The following PHACTR3 variants were observed in gnomAD, a reference collection of about 807,000 sequenced individuals.
PHACTR3 encodes the protein phosphatase and actin regulator 3, also known as protein phosphatase 1, regulatory subunit 123.
Under a neutral mutation model 66.8 loss-of-function variants are expected in PHACTR3, and 16 were observed. The ratio of observed to expected loss-of-function variants is 0.24; its 90% CI spans 0.16 to 0.36. The LOEUF is 0.36. Ranked by LOEUF, PHACTR3 falls within the 10% of genes least tolerant of loss-of-function variation. The probability of loss-of-function intolerance (pLI) is 1.00; values close to 1 mark genes in which losing one functional copy is unlikely to be tolerated. For missense variants in PHACTR3, 647 were observed against 719.9 expected (o/e 0.90, Z 1.16); for synonymous variants, 323 against 292.1 (o/e 1.11, Z -1.08).
At chr20:59,648,619 T>C (rs1268557092) in intron 1 of PHACTR3, among the ~76,000 whole-genome samples, 2 of 152,174 alleles carry the variant, frequency 1.3e-5, no homozygotes, top group Non-Finnish European at 2.9e-5. Flanking sequence ...GGGCTGATGA[T>C]AGCATTTGTT....
At chr20:59,720,767 C>T (rs746219077) in intron 1 of PHACTR3, among the ~76,000 whole-genome samples, 2 of 152,220 alleles carry the variant, frequency 1.3e-5, no homozygotes, top group South Asian at 2.1e-4. Context: ...ACCCAGTCCT[C>T]GCAGATTCCA....
rs148844957 is a variant in PHACTR3, at chr20:59,831,704, G to A, written c.1329-4801G>A. Among the ~76,000 whole-genome samples the A allele has an allele frequency of 5.5e-4, 84 of 152,216 alleles. No homozygotes were observed. The East Asian group carries it at 7.7e-3, about 14-fold the overall frequency. On this transcript the variant is annotated intron_variant, in intron 8 of 12. Transcript: ENST00000371015. ...CCGGCCACGTCTCTAGCGGCTCCTC[G>A]GAGAGCAACTTGATACTGAAGCTCA... is the stretch of plus-strand genomic sequence containing the variant.
chr20:59,818,922 A>G (rs56846208), intron 8 of PHACTR3, among the ~76,000 whole-genome samples: 27,361 of 151,932 alleles, frequency 0.18, 3,068 homozygotes, highest in African/African-American at 0.3. Flanking sequence ...TATCCTCATC[A>G]TCATTTTCAT....
chr20:59,580,871 G>C (rs145415343), intron 1 of PHACTR3, among the ~76,000 whole-genome samples: 45 of 152,346 alleles, frequency 3.0e-4, no homozygotes, highest in African/African-American at 1.1e-3. Flanking sequence ...TAGACACACA[G>C]AAGCAAAAGG....
At chr20:59,778,050 C>T (rs1296368537) in intron 7 of PHACTR3, among the ~76,000 whole-genome samples, 1 of 152,144 alleles carries the variant, frequency 6.6e-6, no homozygotes, top group Non-Finnish European at 1.5e-5. Flanking sequence ...TGCTGATGTC[C>T]GGATGACCCT....
intron 1 of PHACTR3, among the ~76,000 whole-genome samples, chr20:59,737,454 A>G: frequency 6.6e-6 from 1 of 152,112 alleles, no homozygotes; most frequent in South Asian, 2.1e-4. Context: ...AGACAACTAC[A>G]AACAGGTAAA....
intron 8 of PHACTR3, among the ~76,000 whole-genome samples, chr20:59,822,518 C>T (rs771206848): frequency 2.0e-5 from 3 of 151,616 alleles, no homozygotes; most frequent in African/African-American, 4.8e-5. Context: ...GCAGAGTGAC[C>T]GTGTTCCACT....
rs185719896 is a variant in PHACTR3 at position 59,820,527 on chromosome 20, G to T, written c.1328+14333G>T. ...GAGGATATAAATATGACGCTTCATC[G>T]TCTTGGGTGGAAGTCCCCGTGTACA... On this transcript the variant is annotated intron_variant, in intron 8 of 12. Transcript: ENST00000371015. This position sits in a 1 kb window ranked among gnomAD's most constrained non-coding sequence, Gnocchi z 4.6. Among the ~76,000 whole-genome samples, 189 of 152,298 alleles carry T rather than the reference G, an allele frequency of 1.2e-3. 1 individual carries two copies. Among genetic ancestry groups the T allele is most frequent in the Non-Finnish European group, 2.4e-3 (160 of 68,028 alleles).
In PHACTR3 at chr20:59,830,288, AAGTG is replaced by A. The variant is rs2042324433; in HGVS notation, c.1329-6211_1329-6208del. The stretch of plus-strand genomic sequence containing the variant: ...GAGGGTATGAGTGTCTGATGGAAGC[AAGTG>A]AGTGATGGACAGTGTGAGTAGATGA... On this transcript the variant is annotated intron_variant, in intron 8 of 12. Transcript: ENST00000371015. This position sits in a 1 kb window ranked among gnomAD's most constrained non-coding sequence, Gnocchi z 5.8. Among the ~76,000 whole-genome samples the A allele has an allele frequency of 7.4e-6, 1 of 135,124 alleles. No homozygotes were observed. Among genetic ancestry groups the A allele is most frequent in the African/African-American group, 3.2e-5 (1 of 31,310 alleles). The allele number at this position is 135,124 out of a possible 152,430, so 88.6% of individuals were successfully genotyped here.
At chr20:59,609,527 C>T (rs2033786216) in intron 1 of PHACTR3, among the ~76,000 whole-genome samples, 1 of 145,706 alleles carries the variant, frequency 6.9e-6, no homozygotes, top group African/African-American at 2.5e-5. Context: ...CTTCCCTTTC[C>T]TGGACAACCT....
intron 1 of PHACTR3, among the ~76,000 whole-genome samples, chr20:59,638,470 G>A (rs1041132272): frequency 2.0e-5 from 3 of 149,636 alleles, no homozygotes; most frequent in African/African-American, 7.4e-5. Flanking sequence ...AGGTAGATGG[G>A]TGGATGGATG....
chr20:59,755,632 C>A (rs2039762182), intron 4 of PHACTR3, among the ~76,000 whole-genome samples: 1 of 152,322 alleles, frequency 6.6e-6, no homozygotes, highest in African/African-American at 2.4e-5. Flanking sequence ...ACACCTACCC[C>A]CCCTCCCAGG....
rs182494670 is a variant in PHACTR3 at position 59,845,169 on chromosome 20, G to A, written c.1588-20G>A. The A allele has an allele frequency of 2.1e-5, 30 of 1,452,360 alleles. No homozygotes were observed. Among genetic ancestry groups the A allele is most frequent in the South Asian group, 1.2e-5 (1 of 86,246 alleles). The allele number at this position is 1,452,360 out of a possible 1,614,324, so 90.0% of individuals were successfully genotyped here. On this transcript the variant is annotated intron_variant, in intron 11 of 12. Transcript: ENST00000371015. ...TTTTTTTAATATCCTGTAAAACAAT[G>A]TCTTGTTTTTAAATTTCAGGCAGCA...
rs1288817093 is a variant in PHACTR3 at position 59,806,213 on chromosome 20, G to A, written c.1328+19G>A. On this transcript the variant is annotated intron_variant, in intron 8 of 12. Transcript: ENST00000371015. ...TTTCCAAGTAAGTGGCAGCTTGCGG[G>A]CACAGCCGGGCCTGTGCTCTGGCCT... 7 of 1,611,586 alleles carry A rather than the reference G, an allele frequency of 4.3e-6. No homozygotes were observed. In the East Asian group the frequency reaches 1.1e-4, roughly 26 times the overall value.
chr20:59,776,269 TC>T (rs2040532888), intron 7 of PHACTR3, among the ~76,000 whole-genome samples: 1 of 152,038 alleles, frequency 6.6e-6, no homozygotes, highest in Non-Finnish European at 1.5e-5. Context: ...GGCTATGACA[TC>T]ATAGTCCTTA....
chr20:59,600,914 A>T (rs1306229739), upstream of PHACTR3, among the ~76,000 whole-genome samples: 1 of 151,342 alleles, frequency 6.6e-6, no homozygotes, highest in East Asian at 1.9e-4. Flanking sequence ...CAATCCTCCA[A>T]ATTCAAAGCT....
chr20:59,587,695 C>G (rs1320814099), intron 1 of PHACTR3, among the ~76,000 whole-genome samples: 1 of 152,110 alleles, frequency 6.6e-6, no homozygotes, highest in African/African-American at 2.4e-5. Context: ...TTCCTTGAGG[C>G]TGTAGGACTG....
intron 1 of PHACTR3, among the ~76,000 whole-genome samples, chr20:59,645,050 G>A (rs2035234669): frequency 6.6e-6 from 1 of 151,824 alleles, no homozygotes; most frequent in Non-Finnish European, 1.5e-5. Context: ...AGTCCCCTGT[G>A]TCTGTTGTTC....
chr20:59,801,676 T>C (rs777882649), intron 7 of PHACTR3, among the ~76,000 whole-genome samples: 15 of 152,232 alleles, frequency 9.9e-5, no homozygotes, highest in Non-Finnish European at 2.1e-4. Context: ...TGAGTTTGTA[T>C]ATGGCAACAA....
Sources: allele counts gnomAD v4.1 joint callset (sites outside exome capture counted in the v4.1 genomes callset), GRCh38; gene constraint gnomAD v4.1.1; non-coding constraint Gnocchi (gnomAD v3.1); transcripts MANE v1.5; gene names NCBI Gene and HGNC (gene_info 2026-07-23, HGNC 2026-07-21).